Variants in GALNT13 observed in about 807,000 individuals in gnomAD.
GALNT13 encodes the protein polypeptide N-acetylgalactosaminyltransferase 13, also known as UDP-GalNAc:polypeptide N-acetylgalactosaminyltransferase 13.
In GALNT13, 28 loss-of-function variants were observed where a neutral mutation model predicts 64.2. The ratio of observed to expected loss-of-function variants is 0.44; its 90% CI spans 0.32 to 0.60. The LOEUF is 0.60. Ranked by LOEUF, GALNT13 falls within the 20% of genes least tolerant of loss-of-function variation. The pLI is 0.05. For synonymous variants in GALNT13, 214 were observed against 224.6 expected (o/e 0.95, Z 0.42); for missense variants, 577 against 669.8 (o/e 0.86, Z 1.53).
the GALNT13 span, among the ~76,000 whole-genome samples, chr2:153,404,831 TAG>T: frequency 6.6e-6 from 1 of 152,250 alleles, no homozygotes; most frequent in Non-Finnish European, 1.5e-5. Context: ...TTCTAGTCTA[TAG>T]TTGTAAAGTT....
chr2:154,102,031 A>T (rs1015279174), intron 3 of GALNT13, among the ~76,000 whole-genome samples: 6 of 152,134 alleles, frequency 3.9e-5, no homozygotes, highest in Admixed American at 2.0e-4. Context: ...TTGATTTTTT[A>T]AAATTTACCA....
At chr2:154,208,123 A>G (rs1687564270) in intron 4 of GALNT13, among the ~76,000 whole-genome samples, 1 of 152,230 alleles carries the variant, frequency 6.6e-6, no homozygotes, top group Non-Finnish European at 1.5e-5. Flanking sequence ...TGGTAAAAAC[A>G]AAATTAACCA....
the GALNT13 span, among the ~76,000 whole-genome samples, chr2:153,112,791 T>C: frequency 6.6e-6 from 1 of 152,070 alleles, no homozygotes; most frequent in Non-Finnish European, 1.5e-5. Flanking sequence ...GTAAACAGAA[T>C]AGTTCTCACC....
At chr2:153,153,972 A>T in the GALNT13 span, among the ~76,000 whole-genome samples, 4 of 152,086 alleles carry the variant, frequency 2.6e-5, no homozygotes, top group Non-Finnish European at 4.4e-5. Flanking sequence ...CATTGAATCT[A>T]TAAATTGCTT....
intron 3 of GALNT13, among the ~76,000 whole-genome samples, chr2:154,029,845 G>A (rs780520343): frequency 1.4e-4 from 22 of 152,064 alleles, no homozygotes; most frequent in Non-Finnish European, 3.1e-4. Context: ...ATTTTAGCAG[G>A]CAGCTGGAAA....
At chr2:153,101,479 G>A in the GALNT13 span, among the ~76,000 whole-genome samples, 7 of 152,114 alleles carry the variant, frequency 4.6e-5, no homozygotes, top group Admixed American at 1.3e-4. Flanking sequence ...GTTGAAGCAG[G>A]GATCTGTTTT....
At chr2:153,939,608 G>A (rs1396526641) in intron 2 of GALNT13, among the ~76,000 whole-genome samples, 1 of 152,088 alleles carries the variant, frequency 6.6e-6, no homozygotes, top group Non-Finnish European at 1.5e-5. Context: ...CTGCTTTGTG[G>A]TACTTTTGTT....
At chr2:154,293,422 A>G (rs1692752274) in intron 8 of GALNT13, among the ~76,000 whole-genome samples, 1 of 152,206 alleles carries the variant, frequency 6.6e-6, no homozygotes, top group South Asian at 2.1e-4. Flanking sequence ...TTAAAAAGCA[A>G]GAATCAGCGA....
chr2:153,975,001 A>G (rs1693985496), intron 3 of GALNT13, among the ~76,000 whole-genome samples: 1 of 152,004 alleles, frequency 6.6e-6, no homozygotes, highest in South Asian at 2.1e-4. Flanking sequence ...AAGAATGGAA[A>G]TTATTTTATA....
At chr2:154,262,391 C>T (rs1239304074) in intron 8 of GALNT13, among the ~76,000 whole-genome samples, 2 of 152,194 alleles carry the variant, frequency 1.3e-5, no homozygotes, top group African/African-American at 4.8e-5. Flanking sequence ...TGAGATGCTT[C>T]TCTCGTCTAT....
intron 3 of GALNT13, among the ~76,000 whole-genome samples, chr2:154,007,383 T>A (rs572552337): frequency 2.5e-4 from 38 of 152,152 alleles, no homozygotes; most frequent in African/African-American, 9.1e-4. Flanking sequence ...GCTGATGGCA[T>A]TGATAAACTG....
chr2:153,883,377 G>A (rs1032793253), intron 1 of GALNT13, among the ~76,000 whole-genome samples: 8 of 151,812 alleles, frequency 5.3e-5, no homozygotes, highest in Non-Finnish European at 1.0e-4. Flanking sequence ...AATGAATTGA[G>A]GATAATTATC....
intron 3 of GALNT13, among the ~76,000 whole-genome samples, chr2:153,989,982 T>C (rs7580170): frequency 0.77 from 116,530 of 152,006 alleles, 45,065 homozygotes; most frequent in East Asian, 0.96. Flanking sequence ...TGACAATATG[T>C]TGGTTGAAAT....
the GALNT13 span, among the ~76,000 whole-genome samples, chr2:153,722,096 T>C: frequency 1.3e-5 from 2 of 148,342 alleles, no homozygotes; most frequent in South Asian, 2.2e-4. Flanking sequence ...ACAGAAATTA[T>C]AACAAACTAT....
the GALNT13 span, among the ~76,000 whole-genome samples, chr2:153,254,326 AT>A: frequency 0.34 from 51,170 of 151,744 alleles, 8,816 homozygotes; most frequent in Middle Eastern, 0.51. Context: ...CCCCTTTATC[AT>A]TTTTTATTGC....
chr2:153,426,530 A>G, the GALNT13 span, among the ~76,000 whole-genome samples: 4 of 152,142 alleles, frequency 2.6e-5, no homozygotes, highest in East Asian at 5.8e-4. Context: ...TCTCAAGAAG[A>G]GAACTATGAT....
At chr2:153,937,859 C>G (rs1229451231) in intron 2 of GALNT13, among the ~76,000 whole-genome samples, 1 of 152,178 alleles carries the variant, frequency 6.6e-6, no homozygotes, top group Non-Finnish European at 1.5e-5. Context: ...AAGAATTGAT[C>G]ATTGGATTTG....
rs544688305 is a variant in GALNT13 at position 154,206,787 on chromosome 2, A to C, written c.312-35243A>C. On this transcript the variant is annotated intron_variant, in intron 4 of 12. Transcript: ENST00000392825. ...TGACAGAGGGAGACTCTGTCTCAAA[A>C]AACAACAACAACAAAAAAAAAAAAC... Among the ~76,000 whole-genome samples, 33 of 151,480 alleles carry C rather than the reference A, an allele frequency of 2.2e-4. 1 individual carries two copies. In the South Asian group the frequency reaches 6.7e-3, roughly 31 times the overall value.
intron 4 of GALNT13, among the ~76,000 whole-genome samples, chr2:154,226,208 C>T (rs1688610142): frequency 6.6e-6 from 1 of 152,014 alleles, no homozygotes; most frequent in African/African-American, 2.4e-5. Context: ...GTTTTCTGAG[C>T]TCCAATAATG....
Sources: gnomAD v4.1 joint callset for allele counts (sites outside exome capture counted in the v4.1 genomes callset) on GRCh38, gnomAD v4.1.1 for gene constraint, MANE v1.5 for transcripts, NCBI Gene and HGNC (gene_info 2026-07-23, HGNC 2026-07-21) for gene names.